The following HIPK1 variants were observed in gnomAD, a reference collection of about 807,000 sequenced individuals.
HIPK1 encodes homeodomain-interacting protein kinase 1.
Under a neutral mutation model 117.1 loss-of-function variants are expected in HIPK1, and 28 were observed. That is an observed-to-expected ratio of 0.24 (90% CI 0.18 to 0.33). HIPK1 has a LOEUF of 0.33. Ranked by LOEUF, HIPK1 falls within the 10% of genes least tolerant of loss-of-function variation. HIPK1 has a pLI of 1.00. For missense variants in HIPK1, 1,122 were observed against 1,475.1 expected, an observed-to-expected ratio of 0.76 and a Z score of 3.92; for synonymous variants, 605 against 562.5, an observed-to-expected ratio of 1.08 and a Z score of -1.07.
chr1:113,953,297 T>A (rs990827707), intron 3 of HIPK1, among the ~76,000 whole-genome samples: 3 of 152,142 alleles, frequency 2.0e-5, no homozygotes, highest in Non-Finnish European at 2.9e-5. Context: ...AGTACTTTCT[T>A]CAGACTGAAA....
intron 1 of HIPK1, among the ~76,000 whole-genome samples, chr1:113,933,908 C>T (rs1403471485): frequency 6.6e-6 from 1 of 151,942 alleles, no homozygotes; most frequent in Non-Finnish European, 1.5e-5. Context: ...ACCAGTTAAG[C>T]TGTTTAAGTA....
intron 1 of HIPK1, 185 bp downstream of exon 1, chr1:113,929,717 C>A: frequency 1.3e-6 from 1 of 788,654 alleles, no homozygotes; most frequent in Non-Finnish European, 1.6e-6. Context: ...GCTGAGGCGG[C>A]GGCGGCGGCG....
chr1:113,968,072 G>A, intron 12 of HIPK1, 124 bp downstream of exon 12: 1 of 809,480 alleles, frequency 1.2e-6, no homozygotes, highest in Admixed American at 3.2e-5. Context: ...CCAAATTGAG[G>A]AAGAGCAAAT....
Position 113,929,460 on chromosome 1 carries a change from GC to G in HIPK1, c.-72del. The G allele has an allele frequency of 6.2e-6, 8 of 1,289,362 alleles. No homozygotes were observed. The highest frequency in any genetic ancestry group is 8.1e-6 in the Non-Finnish European group (8 of 988,850). 79.9% of individuals were successfully genotyped at this position (1,289,362 alleles called of 1,614,324 possible). ...CCCTACGGAGGCCCACCTACTCGAG[GC>G]CCACCGACTCCTACTGCAATCAGTA... On this transcript the variant is annotated 5_prime_UTR_variant, in exon 1 of 16. Transcript: ENST00000426820.
chr1:113,931,888 G>A (rs1434899348), intron 1 of HIPK1, among the ~76,000 whole-genome samples: 3 of 152,278 alleles, frequency 2.0e-5, no homozygotes, highest in Non-Finnish European at 4.4e-5. Context: ...CTGCATGAGT[G>A]TATAACAGCA....
intron 1 of HIPK1, among the ~76,000 whole-genome samples, chr1:113,939,327 GTTTTT>G (rs71090749): frequency 1.4e-5 from 2 of 145,752 alleles, no homozygotes. Flanking sequence ...TTTTTTTTCT[GTTTTT>G]TTTTTTTTTT....
chr1:113,962,279 C>T (rs1672175495), intron 8 of HIPK1, 38 bp from the exon 9 acceptor site: 1 of 1,604,582 alleles, frequency 6.2e-7, no homozygotes, highest in African/African-American at 1.3e-5. Flanking sequence ...ACTCCCAGAC[C>T]TTGCAAAACT....
In HIPK1 at chr1:113,971,886, A is replaced by G. The variant is rs1672851488; in HGVS notation, c.3076A>G (p.Ile1026Val). ...SVSGQSSGCC[I>V]TPTGYRAQRG... The stretch of plus-strand genomic sequence containing the variant: ...GAGTGGGCAGTCATCTGGATGCTGT[A>G]TCACCCCCACAGGGTATCGAGCTCA... The change falls in exon 15 of 16, where the codon ATC becomes GTC. Residue 1026 changes from isoleucine (I) to valine (V), a missense_variant. By Grantham distance (29) the Ile-to-Val change is conservative. This residue lies in a region of HIPK1 where 731 missense variants were observed against 860.4 expected (regional missense o/e 0.85). Coordinates refer to ENST00000426820, the MANE Select transcript of HIPK1 (RefSeq NM_198268.3). 6 of 1,603,606 alleles carry G rather than the reference A, an allele frequency of 3.7e-6. No individual in the cohort carries two copies. The East Asian group carries it at 1.1e-4, about 30-fold the overall frequency.
At chr1:113,952,466 A>G (rs1221602518) in intron 2 of HIPK1, among the ~76,000 whole-genome samples, 3 of 152,160 alleles carry the variant, frequency 2.0e-5, no homozygotes, top group Admixed American at 6.5e-5. Flanking sequence ...TGACTGTTCC[A>G]TGTTTTGTTG....
chr1:113,929,719 G>C, intron 1 of HIPK1, 187 bp downstream of exon 1: 2 of 835,678 alleles, frequency 2.4e-6, no homozygotes, highest in Non-Finnish European at 3.0e-6. Flanking sequence ...TGAGGCGGCG[G>C]CGGCGGCGGC....
intron 1 of HIPK1, 93 bp downstream of exon 1, chr1:113,929,625 C>A: frequency 9.1e-7 from 1 of 1,096,416 alleles, no homozygotes; most frequent in South Asian, 1.3e-5. Context: ...TTCGTCGGGT[C>A]TGGCGACAAC....
In HIPK1 at chr1:113,956,882, A is replaced by G. The variant is rs1360317402; in HGVS notation, c.1592+71A>G. On this transcript the variant is annotated intron_variant, in intron 6 of 15. Coordinates refer to ENST00000426820, the MANE Select transcript of HIPK1 (RefSeq NM_198268.3). ...GAGTTACCGCCTTATCAATGGCACT[A>G]TCAAATGAGCCCGCCACTTTGGTGC... 1.4e-5 allele frequency: 19 copies of G among 1,357,448 alleles called. 1 individual carries two copies. The highest frequency in any genetic ancestry group is 1.4e-4 in the South Asian group (11 of 81,146). 84.1% of individuals were successfully genotyped at this position (1,357,448 alleles called of 1,614,324 possible). A position where few individuals can be genotyped will look rare whatever the true frequency, so the allele number is the denominator to read the frequency against.
rs756951784 is a variant in HIPK1, at chr1:113,940,947, T to C, written c.564T>C (p.Asn188=). 1.2e-6 allele frequency: 2 copies of C among 1,614,158 alleles called. No homozygotes were observed. Among genetic ancestry groups the C allele is most frequent in the South Asian group, 2.2e-5 (2 of 91,080 alleles). The change falls in exon 2 of 16, where the codon AAT becomes AAC. Residue 188 remains asparagine, a synonymous_variant. Transcript: ENST00000426820. ...VQHEILCSMT[N]SYEVLEFLGR... is the part of the protein sequence containing the mutation. ...ATGAGATCCTTTGCTCTATGACCAA[T>C]AGCTATGAAGTCTTGGAGTTCCTAG...
intron 2 of HIPK1, 40 bp from the exon 3 acceptor site, chr1:113,952,726 G>GTT (rs369231621): frequency 1.1e-3 from 1,097 of 998,748 alleles, no homozygotes; most frequent in South Asian, 2.4e-3. Flanking sequence ...CCCAAATAAT[G>GTT]TTTTTTTTTT....
intron 11 of HIPK1, among the ~76,000 whole-genome samples, chr1:113,966,928 T>C (rs1272333784): frequency 1.3e-5 from 2 of 151,694 alleles, no homozygotes; most frequent in Non-Finnish European, 2.9e-5. Context: ...TCCTACTCTC[T>C]ATGTCCATGA....
At chr1:113,964,500 A>T (rs890001426) in intron 10 of HIPK1, among the ~76,000 whole-genome samples, 2 of 152,214 alleles carry the variant, frequency 1.3e-5, no homozygotes, top group African/African-American at 4.8e-5. Context: ...TTCTCATTTG[A>T]AATTTAAAAT....
chr1:113,939,150 C>G (rs556833860), intron 1 of HIPK1, among the ~76,000 whole-genome samples: 2 of 151,878 alleles, frequency 1.3e-5, no homozygotes, highest in East Asian at 3.9e-4. Context: ...AAACAGACAT[C>G]CCTAATTTTT....
intron 2 of HIPK1, among the ~76,000 whole-genome samples, chr1:113,949,307 C>T (rs1289618377): frequency 6.6e-6 from 1 of 152,150 alleles, no homozygotes; most frequent in East Asian, 1.9e-4. Context: ...TATTTTGGCT[C>T]ATTGCCAGTT....
rs1054895738 is a variant in HIPK1, at chr1:113,976,212, T to C, written c.*2700T>C. ...TTCTTTATTTTTTAAAATCATTATA[T>C]TGAGTTGTGTTTTCAGCACTATATT... is the stretch of plus-strand genomic sequence containing the variant. On this transcript the variant is annotated 3_prime_UTR_variant, in exon 16 of 16. Coordinates refer to ENST00000426820, the MANE Select transcript of HIPK1 (RefSeq NM_198268.3). 2 of 152,660 alleles carry C rather than the reference T, an allele frequency of 1.3e-5. No individual in the cohort carries two copies. Among genetic ancestry groups the C allele is most frequent in the Non-Finnish European group, 1.5e-5 (1 of 68,036 alleles). The allele number at this position is 152,660 out of a possible 1,614,324, so 9.5% of individuals were successfully genotyped here.
Sources: allele counts gnomAD v4.1 joint callset (sites outside exome capture counted in the v4.1 genomes callset), GRCh38; gene constraint gnomAD v4.1.1; regional missense constraint gnomAD v4.1.1; transcripts MANE v1.5; gene names NCBI Gene and HGNC (gene_info 2026-07-23, HGNC 2026-07-21).